Variants in PRKN observed in about 807,000 individuals in gnomAD.
PRKN encodes the protein E3 ubiquitin-protein ligase parkin.
A neutral mutation model predicts 59.5 loss-of-function variants in PRKN; 56 were observed. That is an observed-to-expected ratio of 0.94 (90% confidence interval 0.76 to 1.18). The LOEUF is 1.18. Among genes scored for constraint, PRKN ranks in the 50% most tolerant of loss-of-function variants. The pLI, the probability that PRKN is intolerant of heterozygous loss-of-function variation, is 0.00. For synonymous variants in PRKN, 250 were observed against 222.1 expected (o/e 1.13, Z -1.12); for missense variants, 657 against 596.4 (o/e 1.10, Z -1.06).
At chr6:161,512,645 C>T (rs1038439007) in intron 9 of PRKN, among the ~76,000 whole-genome samples, 4 of 152,182 alleles carry the variant, frequency 2.6e-5, no homozygotes, top group Non-Finnish European at 5.9e-5. Context: ...AATAACCACA[C>T]AACCAAGAGG....
intron 7 of PRKN, among the ~76,000 whole-genome samples, chr6:161,704,462 G>T (rs1200422824): frequency 6.6e-6 from 1 of 152,068 alleles, no homozygotes; most frequent in Non-Finnish European, 1.5e-5. Flanking sequence ...CTGAAAATTA[G>T]CTTTCTTGGT....
chr6:162,668,609 C>T (rs1562483224), intron 1 of PRKN, among the ~76,000 whole-genome samples: 1 of 152,134 alleles, frequency 6.6e-6, no homozygotes, highest in South Asian at 2.1e-4. Flanking sequence ...GCAGCAGAAC[C>T]ATCCACGGTC....
intron 1 of PRKN, among the ~76,000 whole-genome samples, chr6:162,553,135 A>G (rs7771224): frequency 0.63 from 96,155 of 151,882 alleles, 30,755 homozygotes; most frequent in South Asian, 0.8. Flanking sequence ...CTTACAACAC[A>G]ATGTGCATTG....
At chr6:162,678,551 G>T (rs1376696714) in intron 1 of PRKN, among the ~76,000 whole-genome samples, 1 of 152,142 alleles carries the variant, frequency 6.6e-6, no homozygotes, top group Non-Finnish European at 1.5e-5. Context: ...GACTAATAAT[G>T]TTGGGGGTAT....
chr6:161,839,016 G>C (rs961146939), intron 6 of PRKN, among the ~76,000 whole-genome samples: 7 of 152,080 alleles, frequency 4.6e-5, no homozygotes, highest in East Asian at 3.9e-4. Flanking sequence ...TGGGCGAGGT[G>C]GGGGGAGGAG....
chr6:161,553,011 G>A (rs922337830), intron 8 of PRKN, among the ~76,000 whole-genome samples: 3 of 150,994 alleles, frequency 2.0e-5, no homozygotes, highest in Non-Finnish European at 4.4e-5. Flanking sequence ...GGATGATCTC[G>A]ATCTCCTGAC....
chr6:162,175,535 A>G lies in PRKN; in HGVS notation c.534+25596T>C, dbSNP rs572004692. On this transcript the variant is annotated intron_variant, in intron 4 of 11. Transcript: ENST00000366898. ...CGAAAGAAACTTAGTCTCATATTCT[A>G]TTGTCAAAAATTCTTCCATGATGGT... is the stretch of plus-strand genomic sequence containing the variant. 1.2e-3 allele frequency among the ~76,000 whole-genome samples: 181 copies of G among 152,284 alleles called. 1 individual carries two copies. The highest frequency in any genetic ancestry group is 4.3e-3 in the African/African-American group (179 of 41,562).
intron 1 of PRKN, among the ~76,000 whole-genome samples, chr6:162,683,629 C>T (rs575802079): frequency 4.2e-4 from 64 of 152,094 alleles, no homozygotes; most frequent in South Asian, 1.5e-3. Context: ...ACAAAAATCA[C>T]GTCTGTTGGA....
At chr6:162,161,693 A>G (rs2128316841) in intron 4 of PRKN, among the ~76,000 whole-genome samples, 1 of 152,214 alleles carries the variant, frequency 6.6e-6, no homozygotes, top group Middle Eastern at 3.4e-3. Flanking sequence ...TGACGCAGAT[A>G]ATCCTCCTTC....
chr6:162,137,320 T>C (rs1254223799), intron 4 of PRKN, among the ~76,000 whole-genome samples: 1 of 152,182 alleles, frequency 6.6e-6, no homozygotes, highest in African/African-American at 2.4e-5. Flanking sequence ...GGGGTCAGTG[T>C]CCTTATTTAT....
At chr6:162,044,028 C>A (rs1784163162) in intron 5 of PRKN, among the ~76,000 whole-genome samples, 1 of 152,182 alleles carries the variant, frequency 6.6e-6, no homozygotes, top group African/African-American at 2.4e-5. Flanking sequence ...ATGTTGTGTT[C>A]TGAGTTTTAG....
chr6:162,201,223 C>T lies in PRKN; in HGVS notation c.442G>A (p.Val148Met). 1 of 1,613,954 alleles carries T rather than the reference C, an allele frequency of 6.2e-7. No individual in the cohort carries two copies. The highest frequency in any genetic ancestry group is 2.2e-5 in the East Asian group (1 of 44,876). ...CTTTGACAGGGGCCTTTGCAATACACATAAAAGCTGTTGTAGATTGATCTA... is the reference window on the plus strand; with the variant it reads ...CTTTGACAGGGGCCTTTGCAATACATATAAAAGCTGTTGTAGATTGATCTA... ...AGRSIYNSFY[V>M]YCKGPCQRVQ... Residue 148 changes from valine to methionine, a missense_variant, in exon 4 of 12, where the codon GTG becomes ATG. By Grantham distance (21) the Val-to-Met change is conservative. Transcript: ENST00000366898.
intron 7 of PRKN, among the ~76,000 whole-genome samples, chr6:161,673,759 G>A (rs1784992499): frequency 6.6e-6 from 1 of 152,132 alleles, no homozygotes; most frequent in Non-Finnish European, 1.5e-5. Context: ...TGTGGAAGGT[G>A]TTTTGAAGGA....
At chr6:162,327,199 A>G (rs1379118112) in intron 2 of PRKN, among the ~76,000 whole-genome samples, 1 of 152,144 alleles carries the variant, frequency 6.6e-6, no homozygotes, top group Admixed American at 6.5e-5. Flanking sequence ...TATGCTGAAT[A>G]TTGATCAGGA....
chr6:162,027,628 C>T (rs546075769), intron 5 of PRKN, among the ~76,000 whole-genome samples: 3 of 152,268 alleles, frequency 2.0e-5, no homozygotes, highest in South Asian at 2.1e-4. Flanking sequence ...AAGTTAACCA[C>T]GCCCAAATTT....
intron 4 of PRKN, among the ~76,000 whole-genome samples, chr6:162,184,650 G>C (rs1315216550): frequency 6.6e-6 from 1 of 152,124 alleles, no homozygotes; most frequent in East Asian, 1.9e-4. Flanking sequence ...AGTCAAACCT[G>C]TTTTCTTTAT....
chr6:161,959,281 C>G (rs1277894650), intron 6 of PRKN, among the ~76,000 whole-genome samples: 1 of 152,106 alleles, frequency 6.6e-6, no homozygotes, highest in Admixed American at 6.5e-5. Flanking sequence ...CGGCACCTGT[C>G]CCTGGCAGCC....
chr6:162,263,317 A>C (rs1427964988), intron 2 of PRKN: 1 of 189,642 alleles, frequency 5.3e-6, no homozygotes, highest in African/African-American at 2.4e-5. Flanking sequence ...GTTTTACAAA[A>C]GTACAGAAAG....
chr6:162,589,413 T>C (rs181152557), intron 1 of PRKN, among the ~76,000 whole-genome samples: 35 of 152,344 alleles, frequency 2.3e-4, no homozygotes, highest in African/African-American at 7.7e-4. Flanking sequence ...TTTTGCTTTC[T>C]TTCTTCCCAG....
Sources: gnomAD v4.1 joint callset for allele counts (sites outside exome capture counted in the v4.1 genomes callset) on GRCh38, gnomAD v4.1.1 for gene constraint, MANE v1.5 for transcripts, NCBI Gene and HGNC (gene_info 2026-07-23, HGNC 2026-07-21) for gene names.